Variants in MOGAT2 observed in about 807,000 individuals in gnomAD.
MOGAT2 encodes the protein 2-acylglycerol O-acyltransferase 2.
A neutral mutation model predicts 31.5 loss-of-function variants in MOGAT2; 27 were observed. That is an observed-to-expected ratio of 0.86 (90% CI 0.63 to 1.18). The LOEUF is 1.18. MOGAT2 is among the 50% of genes most tolerant of loss of function. The pLI is 0.00. For missense variants in MOGAT2, 436 were observed against 433.2 expected, an observed-to-expected ratio of 1.01 and a Z score of -0.06; for synonymous variants, 163 against 170.0, an observed-to-expected ratio of 0.96 and a Z score of 0.32.
Position 75,717,916 on chromosome 11 carries a change from C to T in MOGAT2, c.28C>T (p.Pro10Ser), listed in dbSNP as rs375736637. 6.9e-5 allele frequency: 111 copies of T among 1,614,142 alleles called. 1 individual carries two copies. In the East Asian group the frequency reaches 9.6e-4, roughly 14 times the overall value. ...GGTAGAGTTCGCGCCCTTGTTTATG[C>T]CGTGGGAGCGCAGGCTGCAGACACT... MVEFAPLFM[P>S]WERRLQTLAV... is the part of the protein sequence containing the mutation. The change falls in exon 1 of 6, where the codon CCG becomes TCG. Residue 10 changes from proline to serine, a missense_variant. By Grantham distance (74) the Pro-to-Ser change is moderately conservative. Coordinates refer to ENST00000198801, the MANE Select transcript of MOGAT2 (RefSeq NM_025098.4).
chr11:75,727,606 GC>G lies in MOGAT2; in HGVS notation c.447del (p.Phe150SerfsTer23). The G allele has an allele frequency of 6.2e-7, 1 of 1,614,116 alleles. No homozygotes were observed. The highest frequency in any genetic ancestry group is 8.5e-7 in the Non-Finnish European group (1 of 1,180,008). Reference protein sequence around the residue: ...HLMMLTLWFRAPFFRDYIMSA... With the variant: ...HLMMLTLWFRXPFFRDYIMSA... ...GATGATGCTGACCTTGTGGTTCCGG[GC>G]CCCCTTCTTCAGAGATTACATCATG... is the stretch of plus-strand genomic sequence containing the variant. On this transcript the variant is annotated frameshift_variant, in exon 3 of 6. Transcript: ENST00000198801. LOFTEE classifies it high-confidence loss of function.
At chr11:75,723,014 T>C (rs1462913608) in intron 2 of MOGAT2, among the ~76,000 whole-genome samples, 1 of 152,226 alleles carries the variant, frequency 6.6e-6, no homozygotes, top group Non-Finnish European at 1.5e-5. Flanking sequence ...CAGTCTGGAA[T>C]GCAGTGGCGT....
chr11:75,727,463 C>A lies in MOGAT2; in HGVS notation c.299C>A (p.Ser100Tyr), dbSNP rs373540522. ...SLVKTAELDPSRNYIAGFHPH... is the reference protein window; with the variant it reads ...SLVKTAELDPYRNYIAGFHPH... ...GTCAAGACTGCTGAGCTGGACCCCT[C>A]TCGGAACTACATTGCGGGCTTCCAC... The change falls in exon 3 of 6, where the codon TCT becomes TAT. Residue 100 changes from serine (S) to tyrosine (Y), a missense_variant. Transcript: ENST00000198801. The A allele has an allele frequency of 3.0e-5, 48 of 1,614,024 alleles. No homozygotes were observed. Among genetic ancestry groups the A allele is most frequent in the Non-Finnish European group, 3.8e-5 (45 of 1,180,032 alleles).
intron 5 of MOGAT2, 116 bp from the exon 6 acceptor site, chr11:75,731,016 G>T: frequency 1.3e-6 from 1 of 744,174 alleles, no homozygotes; most frequent in East Asian, 2.9e-5. Context: ...AAATTCATTA[G>T]GGTTGGAAGG....
chr11:75,730,356 C>T (rs1240161106), intron 5 of MOGAT2, among the ~76,000 whole-genome samples: 1 of 152,088 alleles, frequency 6.6e-6, no homozygotes, highest in African/African-American at 2.4e-5. Context: ...GGGCTATGAA[C>T]ACACCCCATC....
At chr11:75,718,875 G>C (rs1185882694) in intron 1 of MOGAT2, among the ~76,000 whole-genome samples, 1 of 152,150 alleles carries the variant, frequency 6.6e-6, no homozygotes, top group Non-Finnish European at 1.5e-5. Context: ...GCTGCTTCCA[G>C]GGCTGAGGTT....
At chr11:75,728,565 C>T (rs537786940) in intron 4 of MOGAT2, 213 of 595,104 alleles carry the variant, frequency 3.6e-4, no homozygotes, top group East Asian at 1.4e-3. Context: ...TGGTCTACCT[C>T]TCATGGTGCA....
At chr11:75,718,022 G>C (rs767805223) in intron 1 of MOGAT2, 43 bp downstream of exon 1, 2 of 1,588,842 alleles carry the variant, frequency 1.3e-6, no homozygotes, top group African/African-American at 1.3e-5. Context: ...ACCGCACTCA[G>C]GTGGGGCAGA....
At position 75,732,556 on chromosome 11, in the gene MOGAT2, C is replaced by G. The variant is rs927160846; in HGVS notation, c.*1270C>G. Reference sequence around the variant, plus strand: ...GCCCAGCCTGTCCATCCTCATCTCTCTTCCTCCCTTACTCCGTGCTCCCAT... The same window carrying G: ...GCCCAGCCTGTCCATCCTCATCTCTGTTCCTCCCTTACTCCGTGCTCCCAT... On this transcript the variant is annotated 3_prime_UTR_variant, in exon 6 of 6. Transcript: ENST00000198801. The G allele has an allele frequency of 6.6e-6, 1 of 152,396 alleles. No individual in the cohort carries two copies. Among genetic ancestry groups the G allele is most frequent in the Admixed American group, 6.5e-5 (1 of 15,284 alleles). 9.4% of individuals were successfully genotyped at this position (152,396 alleles called of 1,614,324 possible). A position where few individuals can be genotyped will look rare whatever the true frequency, so the allele number is the denominator to read the frequency against.
intron 5 of MOGAT2, 167 bp from the exon 6 acceptor site, chr11:75,730,965 T>A: frequency 2.4e-6 from 1 of 411,278 alleles, no homozygotes; most frequent in East Asian, 3.9e-5. Flanking sequence ...AATCCAGCCG[T>A]TGTTATTATA....
intron 1 of MOGAT2, 34 bp from the exon 2 acceptor site, chr11:75,719,958 C>T: frequency 6.2e-7 from 1 of 1,604,732 alleles, no homozygotes; most frequent in East Asian, 2.2e-5. Flanking sequence ...CCTCTCAGAC[C>T]CCTGTCCCTG....
intron 1 of MOGAT2, among the ~76,000 whole-genome samples, chr11:75,718,440 T>C (rs1363068727): frequency 6.6e-6 from 1 of 152,096 alleles, no homozygotes; most frequent in Non-Finnish European, 1.5e-5. Flanking sequence ...AGGTGCAGAC[T>C]GAGAGTGGAC....
chr11:75,719,195 A>G (rs1303890699), intron 1 of MOGAT2, among the ~76,000 whole-genome samples: 1 of 152,206 alleles, frequency 6.6e-6, no homozygotes, highest in Non-Finnish European at 1.5e-5. Context: ...ATTTGCCTCC[A>G]GTAAGGGCTG....
chr11:75,727,647 TTTCTACCCCTGAGCAG>T lies in MOGAT2; in HGVS notation c.475+9_475+24del, dbSNP rs1199089197. Reference sequence around the variant, plus strand: ...ATTACATCATGTCTGCAGGTGAGTCTTTCTACCCCTGAGCAGCTCAGGAAGGTAACAAATTTTCGGA... The same window carrying T: ...ATTACATCATGTCTGCAGGTGAGTCTCTCAGGAAGGTAACAAATTTTCGGA... On this transcript the variant is annotated intron_variant, in intron 3 of 5. Coordinates refer to ENST00000198801, the MANE Select transcript of MOGAT2 (RefSeq NM_025098.4). 9 of 1,611,698 alleles carry T rather than the reference TTTCTACCCCTGAGCAG, an allele frequency of 5.6e-6. No homozygotes were observed. Among genetic ancestry groups the T allele is most frequent in the Admixed American group, 1.7e-5 (1 of 59,770 alleles).
chr11:75,730,685 C>A (rs1944468620), intron 5 of MOGAT2, among the ~76,000 whole-genome samples: 1 of 152,002 alleles, frequency 6.6e-6, no homozygotes, highest in Admixed American at 6.6e-5. Flanking sequence ...TCGAGACGGG[C>A]AGATCACAAG....
At chr11:75,724,923 A>G (rs1944408064) in intron 2 of MOGAT2, among the ~76,000 whole-genome samples, 1 of 152,160 alleles carries the variant, frequency 6.6e-6, no homozygotes, top group Admixed American at 6.5e-5. Flanking sequence ...GTACTTCTCT[A>G]TGGTGACACA....
chr11:75,728,026 G>A lies in MOGAT2; in HGVS notation c.532G>A (p.Gly178Arg), dbSNP rs61897998. 1.5e-5 allele frequency: 24 copies of A among 1,613,856 alleles called. No homozygotes were observed. Among genetic ancestry groups the A allele is most frequent in the South Asian group, 5.5e-5 (5 of 91,076 alleles). Residue 178 changes from glycine (G) to arginine (R), a missense_variant, in exon 4 of 6, where the codon GGA (glycine) becomes AGA (arginine). Coordinates refer to ENST00000198801, the MANE Select transcript of MOGAT2 (RefSeq NM_025098.4). ...AAHILNRKGG[G>R]NLLGIIVGGA... ...TCACATTCTGAACAGGAAGGGTGGC[G>A]GAAACTTGCTGGGCATCATTGTAGG...
intron 5 of MOGAT2, 183 bp from the exon 6 acceptor site, chr11:75,730,949 G>C: frequency 2.5e-6 from 1 of 397,638 alleles, no homozygotes; most frequent in Non-Finnish European, 4.4e-6. Context: ...AGAAAAGGAA[G>C]AAAGAAATCC....
At chr11:75,719,658 C>T (rs1944359172) in intron 1 of MOGAT2, 1 of 280,804 alleles carries the variant, frequency 3.6e-6, no homozygotes, top group African/African-American at 2.1e-5. Context: ...TGATTGAGCA[C>T]TTAATGAGTA....
Sources: allele counts gnomAD v4.1 joint callset (sites outside exome capture counted in the v4.1 genomes callset), GRCh38; gene constraint gnomAD v4.1.1; transcripts MANE v1.5; gene names NCBI Gene and HGNC (gene_info 2026-07-23, HGNC 2026-07-21).